Variants in CEL observed in about 807,000 individuals in gnomAD.
CEL encodes the protein carboxyl ester lipase.
A neutral mutation model predicts 57.1 loss-of-function variants in CEL; 39 were observed. That is an observed-to-expected ratio of 0.68 (90% CI 0.53 to 0.89). The LOEUF is 0.89. Among genes scored for constraint, CEL ranks in the 40% least tolerant of loss-of-function variants. CEL has a pLI of 0.00. For missense variants in CEL, 698 were observed against 915.0 expected, an observed-to-expected ratio of 0.76 and a Z score of 3.06; for synonymous variants, 314 against 396.6, an observed-to-expected ratio of 0.79 and a Z score of 2.48.
At chr9:133,064,880 G>A in intron 3 of CEL, 118 bp downstream of exon 3, 1 of 1,563,952 alleles carries the variant, frequency 6.4e-7, no homozygotes, top group South Asian at 1.1e-5. Flanking sequence ...ACAGAGGCGG[G>A]GAGGGGAGCG....
rs373738016 is a variant in CEL, at chr9:133,064,723, C to T, written c.301C>T (p.Leu101=). Residue 101 remains leucine, a synonymous_variant, in exon 3 of 11, where the codon CTG becomes TTG. Transcript: ENST00000372080. ...QDSTYGDEDC[L]YLNIWVPQGR... ...CAGCACCTACGGGGATGAAGACTGC[C>T]TGTACCTCAACATTTGGGTGCCCCA... 6.2e-7 allele frequency: 1 copy of T among 1,614,140 alleles called. No individual in the cohort carries two copies. The highest frequency in any genetic ancestry group is 8.5e-7 in the Non-Finnish European group (1 of 1,180,028).
At position 133,066,695 on chromosome 9, in the gene CEL, A is replaced by G. The variant is rs771114262; in HGVS notation, c.669+35A>G. The G allele has an allele frequency of 3.2e-6, 5 of 1,541,726 alleles. No homozygotes were observed. Among genetic ancestry groups the G allele is most frequent in the Non-Finnish European group, 4.5e-6 (5 of 1,121,536 alleles). On this transcript the variant is annotated intron_variant, in intron 5 of 10. Transcript: ENST00000372080. The surrounding 1 kb of genome is among the most constrained non-coding windows in gnomAD (Gnocchi z 4.3). ...TCCCTGTGGGGAGGGCCTGCCCCACAGGTTGAGAGGAAGCTCAAACGGGAA... is the reference window on the plus strand; with the variant it reads ...TCCCTGTGGGGAGGGCCTGCCCCACGGGTTGAGAGGAAGCTCAAACGGGAA...
intron 1 of CEL, among the ~76,000 whole-genome samples, chr9:133,063,302 T>C (rs1254248604): frequency 2.0e-5 from 3 of 152,148 alleles, no homozygotes; most frequent in African/African-American, 7.2e-5. Flanking sequence ...CCAGTCTCAA[T>C]TGCACAGGGA....
At position 133,071,600 on chromosome 9, in the gene CEL, G is replaced by GC. The variant is rs768251399; in HGVS notation, c.2106dup (p.Val703ArgfsTer6). 1.0e-5 allele frequency: 14 copies of GC among 1,336,140 alleles called. No homozygotes were observed. Among genetic ancestry groups the GC allele is most frequent in the African/African-American group, 5.1e-5 (3 of 58,450 alleles). The allele number at this position is 1,336,140 out of a possible 1,614,324, so 82.8% of individuals were successfully genotyped here. Reference sequence around the variant, plus strand: ...CGTGCCGCCCACGGGTGACTCCGGGGCCCCCCCCGTGACCCCCACGGGTGA... The same window carrying GC: ...CGTGCCGCCCACGGGTGACTCCGGGGCCCCCCCCCGTGACCCCCACGGGTGA... On this transcript the variant is annotated frameshift_variant, in exon 11 of 11. Transcript: ENST00000372080. LOFTEE classifies it high-confidence loss of function.
chr9:133,065,048 G>A lies in CEL; in HGVS notation c.349G>A (p.Asp117Asn). 2 of 1,613,360 alleles carry A rather than the reference G, an allele frequency of 1.2e-6. No homozygotes were observed. The highest frequency in any genetic ancestry group is 1.7e-6 in the Non-Finnish European group (2 of 1,180,002). Residue 117 changes from aspartate to asparagine, a missense_variant, in exon 4 of 11, where the codon GAC (aspartate) becomes AAC (asparagine). Coordinates refer to ENST00000372080, the MANE Select transcript of CEL (RefSeq NM_001807.6). The part of the protein sequence containing the change: ...VPQGRKQVSR[D>N]LPVMIWIYGG... ...CCGCTCCCCCATCTCAGTCTCCCGGGACCTGCCCGTTATGATCTGGATCTA... is the reference window on the plus strand; with the variant it reads ...CCGCTCCCCCATCTCAGTCTCCCGGAACCTGCCCGTTATGATCTGGATCTA...
chr9:133,065,365 G>C, intron 4 of CEL, 128 bp downstream of exon 4: 1 of 1,078,512 alleles, frequency 9.3e-7, no homozygotes, highest in Non-Finnish European at 1.4e-6. Context: ...AGCTGGAGTA[G>C]AATCATGAGA....
In CEL at chr9:133,065,052, T is replaced by G. The variant is rs113056079; in HGVS notation, c.353T>G (p.Leu118Arg). ...TCCCCCATCTCAGTCTCCCGGGACC[T>G]GCCCGTTATGATCTGGATCTATGGA... is the stretch of plus-strand genomic sequence containing the variant. ...PQGRKQVSRD[L>R]PVMIWIYGGA... Residue 118 changes from leucine to arginine, a missense_variant, in exon 4 of 11, where the codon CTG (leucine) becomes CGG (arginine). Leu to Arg is a moderately radical substitution (Grantham distance 102). Transcript: ENST00000372080. The G allele has an allele frequency of 3.2e-3, 5,128 of 1,612,998 alleles. 132 individuals carry two copies. The African/African-American group carries it at 0.053, about 17-fold the overall frequency.
At chr9:133,062,765 A>G (rs1284322674) in intron 1 of CEL, among the ~76,000 whole-genome samples, 5 of 151,004 alleles carry the variant, frequency 3.3e-5, no homozygotes, top group African/African-American at 4.9e-5. Flanking sequence ...GGGAGTGTGG[A>G]GAGCAGGCAG....
In CEL at chr9:133,064,532, T is replaced by C. The variant is rs1830143520; in HGVS notation, c.195T>C (p.Pro65=). 1 of 1,614,034 alleles carries C rather than the reference T, an allele frequency of 6.2e-7. No homozygotes were observed. Among genetic ancestry groups the C allele is most frequent in the Non-Finnish European group, 8.5e-7 (1 of 1,180,008 alleles). Residue 65 remains proline, a synonymous_variant, in exon 2 of 11, where the codon CCT becomes CCC. Coordinates refer to ENST00000372080, the MANE Select transcript of CEL (RefSeq NM_001807.6). ...FAAPTKALEN[P]QPHPGWQGTL... ...CTCCCACCAAGGCCCTGGAAAATCC[T>C]CAGCCACATCCTGGCTGGCAAGGTG... is the stretch of plus-strand genomic sequence containing the variant.
chr9:133,065,078 GGC>G lies in CEL; in HGVS notation c.382_383del (p.Ala128LeufsTer18). 1 of 1,613,838 alleles carries G rather than the reference GGC, an allele frequency of 6.2e-7. No homozygotes were observed. The highest frequency in any genetic ancestry group is 2.2e-5 in the East Asian group (1 of 44,886). ...GCCCGTTATGATCTGGATCTATGGAGGCGCCTTCCTCATGGGGTCCGGCCATG... is the reference window on the plus strand; with the variant it reads ...GCCCGTTATGATCTGGATCTATGGAGGCCTTCCTCATGGGGTCCGGCCATG... ...DLPVMIWIYG[G>X]AFLMGSGHGA... is the part of the protein sequence containing the mutation. On this transcript the variant is annotated frameshift_variant, in exon 4 of 11. Coordinates refer to ENST00000372080, the MANE Select transcript of CEL (RefSeq NM_001807.6). LOFTEE classifies it high-confidence loss of function.
At position 133,064,698 on chromosome 9, in the gene CEL, C is replaced by T. The variant is rs1257465666; in HGVS notation, c.276C>T (p.Asp92=). 1.2e-6 allele frequency: 2 copies of T among 1,614,022 alleles called. No homozygotes were observed. The highest frequency in any genetic ancestry group is 1.7e-6 in the Non-Finnish European group (2 of 1,180,040). ...KRCLQATITQ[D]STYGDEDCLY... ...GCCTGCAGGCCACCATCACCCAGGA[C>T]AGCACCTACGGGGATGAAGACTGCC... Residue 92 remains aspartate, a synonymous_variant, in exon 3 of 11, where the codon GAC becomes GAT. Transcript: ENST00000372080.
intron 1 of CEL, among the ~76,000 whole-genome samples, chr9:133,064,153 G>A (rs1220781917): frequency 6.6e-6 from 1 of 152,176 alleles, no homozygotes; most frequent in Non-Finnish European, 1.5e-5. Context: ...TTCCCTAGTG[G>A]GAACACTGGT....
Position 133,066,405 on chromosome 9 carries a change from C to A in CEL, c.539-125C>A. 8.0e-7 allele frequency: 1 copy of A among 1,247,476 alleles called. No homozygotes were observed. The highest frequency in any genetic ancestry group is 1.5e-5 in the African/African-American group (1 of 67,714). 77.3% of individuals were successfully genotyped at this position (1,247,476 alleles called of 1,614,324 possible). ...TTCTTAGGGACCCACCATTTGCCAA[C>A]TGGGGCTCTGCCATGGCCCCAACTC... On this transcript the variant is annotated intron_variant, in intron 4 of 10. Coordinates refer to ENST00000372080, the MANE Select transcript of CEL (RefSeq NM_001807.6). The surrounding 1 kb of genome is among the most constrained non-coding windows in gnomAD (Gnocchi z 4.3).
chr9:133,067,246 G>A (rs778047659), intron 7 of CEL, 41 bp downstream of exon 7: 11 of 1,546,116 alleles, frequency 7.1e-6, no homozygotes, highest in Non-Finnish European at 9.8e-6. Flanking sequence ...TCTCGAGGTG[G>A]GGGTTGAGGG....
At chr9:133,069,766 T>C (rs1205054232) in intron 9 of CEL, among the ~76,000 whole-genome samples, 38 of 151,810 alleles carry the variant, frequency 2.5e-4, no homozygotes, top group Admixed American at 2.5e-3. Context: ...AGGTCAGGAG[T>C]CTGAGACTAG....
Position 133,066,711 on chromosome 9 carries a change from C to T in CEL, c.669+51C>T, listed in dbSNP as rs774294234. ...CTGCCCCACAGGTTGAGAGGAAGCT[C>T]AAACGGGAAGGGGAGGGTGGGAGGA... On this transcript the variant is annotated intron_variant, in intron 5 of 10. Coordinates refer to ENST00000372080, the MANE Select transcript of CEL (RefSeq NM_001807.6). The surrounding 1 kb of genome is among the most constrained non-coding windows in gnomAD (Gnocchi z 4.3). 8 of 1,537,278 alleles carry T rather than the reference C, an allele frequency of 5.2e-6. No homozygotes were observed.
Position 133,067,169 on chromosome 9 carries a change from ACGCTGG to A in CEL, c.861_866del (p.Leu288_Ala289del), listed in dbSNP as rs1162072516. On this transcript the variant is annotated inframe_deletion, in exon 7 of 11. Transcript: ENST00000372080. Reference sequence around the variant, plus strand: ...GAAGGTTACTGATCCCCGAGCCCTGACGCTGGCCTATAAGGTGCCGCTGGCAGGCCT... The same window carrying A: ...GAAGGTTACTGATCCCCGAGCCCTGACCTATAAGGTGCCGCTGGCAGGCCT... 1 of 1,613,828 alleles carries A rather than the reference ACGCTGG, an allele frequency of 6.2e-7. No individual in the cohort carries two copies. The highest frequency in any genetic ancestry group is 1.3e-5 in the African/African-American group (1 of 74,854).
chr9:133,064,882 A>G, intron 3 of CEL, 120 bp downstream of exon 3: 4 of 1,561,086 alleles, frequency 2.6e-6, no homozygotes. Context: ...AGAGGCGGGG[A>G]GGGGAGCGCC....
At chr9:133,065,846 C>CAAAAAAA (rs34365056) in intron 4 of CEL, among the ~76,000 whole-genome samples, 2 of 75,820 alleles carry the variant, frequency 2.6e-5, no homozygotes, top group African/African-American at 5.0e-5. Flanking sequence ...AACTCTGTCT[C>CAAAAAAA]AAAAAAAAAA....
Sources: allele counts gnomAD v4.1 joint callset (sites outside exome capture counted in the v4.1 genomes callset), GRCh38; gene constraint gnomAD v4.1.1; non-coding constraint Gnocchi (gnomAD v3.1); transcripts MANE v1.5; gene names NCBI Gene and HGNC (gene_info 2026-07-23, HGNC 2026-07-21).